Variants in PRKG1 observed in about 807,000 individuals in gnomAD.
PRKG1 encodes the protein protein kinase cGMP-dependent 1, also known as cGMP-dependent protein kinase 1.
In PRKG1, 35 loss-of-function variants were observed where a neutral mutation model predicts 88.1. The ratio of observed to expected loss-of-function variants is 0.40; its 90% CI spans 0.30 to 0.53. The LOEUF is 0.53. PRKG1 is among the 20% of genes least tolerant of loss of function. The pLI is 0.59. For missense variants in PRKG1, 540 were observed against 839.8 expected (o/e 0.64, Z 4.41); for synonymous variants, 303 against 292.5 (o/e 1.04, Z -0.37).
chr10:51,221,682 A>T (rs1252364623), intron 2 of PRKG1, among the ~76,000 whole-genome samples: 1 of 151,762 alleles, frequency 6.6e-6, no homozygotes, highest in Non-Finnish European at 1.5e-5. Context: ...TTAACTTTAA[A>T]GTAGAGCTCA....
intron 3 of PRKG1, among the ~76,000 whole-genome samples, chr10:51,660,901 T>A (rs533204946): frequency 6.6e-6 from 1 of 152,276 alleles, no homozygotes; most frequent in East Asian, 1.9e-4. Context: ...AAATGTTTTA[T>A]TCACTTTTGC....
rs961689699 is a variant in PRKG1, at chr10:51,424,231, C to G, written c.479-43492C>G. Among the ~76,000 whole-genome samples the G allele has an allele frequency of 2.0e-5, 3 of 152,028 alleles. No individual in the cohort carries two copies. The East Asian group carries it at 5.8e-4, about 29-fold the overall frequency. Reference sequence around the variant, plus strand: ...CTTTAAACCAGAGTTGAGTCCAGTTCTCTTTGGACCATTCTAGAGTATCAT... The same window carrying G: ...CTTTAAACCAGAGTTGAGTCCAGTTGTCTTTGGACCATTCTAGAGTATCAT... On this transcript the variant is annotated intron_variant, in intron 2 of 17. Transcript: ENST00000373980.
At chr10:51,858,659 G>A (rs939517953) in intron 4 of PRKG1, among the ~76,000 whole-genome samples, 8 of 150,766 alleles carry the variant, frequency 5.3e-5, no homozygotes, top group Non-Finnish European at 4.4e-5. Flanking sequence ...GTACCTGTGC[G>A]TTTATTAGCA....
At chr10:51,710,670 T>C (rs1589223317) in intron 3 of PRKG1, among the ~76,000 whole-genome samples, 1 of 152,192 alleles carries the variant, frequency 6.6e-6, no homozygotes, top group Non-Finnish European at 1.5e-5. Context: ...TAAGTAAACA[T>C]AGAACCAAGT....
chr10:52,294,719 A>G lies in PRKG1; in HGVS notation c.*819A>G, dbSNP rs1842345387. 1 of 152,600 alleles carries G rather than the reference A, an allele frequency of 6.6e-6. No individual in the cohort carries two copies. Among genetic ancestry groups the G allele is most frequent in the Admixed American group, 6.6e-5 (1 of 15,244 alleles). The allele number at this position is 152,600 out of a possible 1,614,324, so 9.5% of individuals were successfully genotyped here. A position where few individuals can be genotyped will look rare whatever the true frequency, so the allele number is the denominator to read the frequency against. On this transcript the variant is annotated 3_prime_UTR_variant, in exon 18 of 18. Transcript: ENST00000373980. ...TATTGTGCTTAAAGATGGTCCTGGA[A>G]GTAAATGACTAGCAGCCAATTGGTT...
chr10:51,979,410 G>GTTTTGTTT (rs1843936903), intron 5 of PRKG1, among the ~76,000 whole-genome samples: 2 of 47,056 alleles, frequency 4.3e-5, no homozygotes, highest in African/African-American at 8.4e-5. Flanking sequence ...ATATTGGTCT[G>GTTTTGTTT]TTTTTTTTTT....
chr10:51,807,681 T>G (rs1839342157), intron 4 of PRKG1, among the ~76,000 whole-genome samples: 1 of 152,194 alleles, frequency 6.6e-6, no homozygotes, highest in African/African-American at 2.4e-5. Flanking sequence ...GTTGTAGCAT[T>G]TCTTCCTTCC....
chr10:50,996,248 G>A (rs1033928953), intron 1 of PRKG1, among the ~76,000 whole-genome samples: 27 of 152,250 alleles, frequency 1.8e-4, no homozygotes, highest in African/African-American at 5.5e-4. Context: ...AGGAATCTGA[G>A]GCTTGAAGAA....
chr10:51,543,334 A>G (rs10762194), intron 3 of PRKG1, among the ~76,000 whole-genome samples: 122,223 of 152,138 alleles, frequency 0.8, 49,867 homozygotes, highest in East Asian at 0.98. Flanking sequence ...GTCAGTGATT[A>G]AAATAATTTG....
At chr10:51,357,790 A>T (rs201567264) in intron 2 of PRKG1, among the ~76,000 whole-genome samples, 1 of 151,946 alleles carries the variant, frequency 6.6e-6, no homozygotes, top group East Asian at 1.9e-4. Flanking sequence ...CCAGCATTCA[A>T]TCTAGAAGTT....
At chr10:52,254,953 G>A (rs769564031) in intron 10 of PRKG1, among the ~76,000 whole-genome samples, 2 of 152,088 alleles carry the variant, frequency 1.3e-5, no homozygotes, top group Non-Finnish European at 2.9e-5. Flanking sequence ...ATATCAGACA[G>A]TATCCTGTTC....
intron 3 of PRKG1, among the ~76,000 whole-genome samples, chr10:51,534,416 C>A (rs1171269654): frequency 6.6e-6 from 1 of 151,984 alleles, no homozygotes; most frequent in East Asian, 1.9e-4. Context: ...CACCTGTAAT[C>A]CCAGCACTTT....
chr10:52,118,922 A>C (rs1847751089), intron 7 of PRKG1, among the ~76,000 whole-genome samples: 1 of 152,130 alleles, frequency 6.6e-6, no homozygotes, highest in East Asian at 1.9e-4. Flanking sequence ...TTTTCCTTAA[A>C]ATAACTACTT....
intron 7 of PRKG1, among the ~76,000 whole-genome samples, chr10:52,131,401 T>C (rs997568158): frequency 4.6e-5 from 7 of 152,016 alleles, no homozygotes; most frequent in African/African-American, 1.4e-4. Flanking sequence ...CCCAACCTGG[T>C]CAATTCATGA....
chr10:51,163,605 G>A (rs913865186), intron 2 of PRKG1, among the ~76,000 whole-genome samples: 17 of 152,224 alleles, frequency 1.1e-4, no homozygotes, highest in Non-Finnish European at 1.8e-4. Context: ...TGCCTCACTC[G>A]GGAGGCGCAA....
At chr10:51,526,149 G>T (rs2132085035) in intron 3 of PRKG1, among the ~76,000 whole-genome samples, 1 of 152,154 alleles carries the variant, frequency 6.6e-6, no homozygotes, top group Non-Finnish European at 1.5e-5. Context: ...TTTAAAATGT[G>T]ATTAGCTTTA....
chr10:52,093,312 T>C (rs183190979), intron 7 of PRKG1, among the ~76,000 whole-genome samples: 4 of 152,280 alleles, frequency 2.6e-5, no homozygotes, highest in African/African-American at 7.2e-5. Context: ...AGTGGTCAAA[T>C]AACTGTTATC....
chr10:51,783,445 A>C lies in PRKG1; in HGVS notation c.593-21140A>C, dbSNP rs560536819. ...AAGCGTCCCCCACCACGCTCAGCAA[A>C]TTTTTGTGTTTTTAGTAGAGGTGGG... On this transcript the variant is annotated intron_variant, in intron 3 of 17. Transcript: ENST00000373980. 4.6e-5 allele frequency among the ~76,000 whole-genome samples: 7 copies of C among 151,954 alleles called. No individual in the cohort carries two copies. In the East Asian group the frequency reaches 1.4e-3, roughly 30 times the overall value.
chr10:51,835,185 T>C (rs1840102869), intron 4 of PRKG1, among the ~76,000 whole-genome samples: 1 of 152,130 alleles, frequency 6.6e-6, no homozygotes, highest in South Asian at 2.1e-4. Context: ...GAGGGGACAA[T>C]AGCTTCCGAA....
Sources: gnomAD v4.1 joint callset for allele counts (sites outside exome capture counted in the v4.1 genomes callset) on GRCh38, gnomAD v4.1.1 for gene constraint, MANE v1.5 for transcripts, NCBI Gene and HGNC (gene_info 2026-07-23, HGNC 2026-07-21) for gene names.